The following ETFBKMT variants were observed in gnomAD, a reference collection of about 807,000 sequenced individuals.
ETFBKMT encodes the protein electron transfer flavoprotein beta subunit lysine methyltransferase.
In ETFBKMT, 13 loss-of-function variants were observed where a neutral mutation model predicts 18.3. The ratio of observed to expected loss-of-function variants is 0.71; its 90% CI spans 0.46 to 1.13. The LOEUF (loss-of-function observed/expected upper bound fraction) is 1.13. ETFBKMT is among the 50% of genes most tolerant of loss of function. The pLI, the probability that ETFBKMT is intolerant of heterozygous loss-of-function variation, is 0.00. For missense variants in ETFBKMT, 293 were observed against 306.2 expected, an observed-to-expected ratio of 0.96 and a Z score of 0.32; for synonymous variants, 84 against 107.9, an observed-to-expected ratio of 0.78 and a Z score of 1.37.
In ETFBKMT at chr12:31,670,848, T is replaced by C. The variant is rs188192986; in HGVS notation, c.*2858T>C. ...AAAAAAGATAAATACTTTGTCCTTA[T>C]GAAATTTGTATTCTAGAGTAGGGAG... On this transcript the variant is annotated 3_prime_UTR_variant, in exon 4 of 4. Coordinates refer to ENST00000357721, the MANE Select transcript of ETFBKMT (RefSeq NM_001135863.2). 1.3e-5 allele frequency: 2 copies of C among 152,296 alleles called. No individual in the cohort carries two copies. Among genetic ancestry groups the C allele is most frequent in the Admixed American group, 1.3e-4 (2 of 15,302 alleles). 9.4% of individuals were successfully genotyped at this position (152,296 alleles called of 1,614,324 possible).
upstream of ETFBKMT, among the ~76,000 whole-genome samples, chr12:31,657,022 T>C (rs745385209): frequency 1.3e-5 from 2 of 152,240 alleles, no homozygotes; most frequent in Non-Finnish European, 2.9e-5. Context: ...ATTATTACTA[T>C]CATCACTATT....
At chr12:31,647,437 T>C (rs1950978011) in intron 1 of ETFBKMT, among the ~76,000 whole-genome samples, 1 of 152,216 alleles carries the variant, frequency 6.6e-6, no homozygotes, top group South Asian at 2.1e-4. Context: ...GCCAGCTATT[T>C]ATGAGCCCTC....
intron 3 of ETFBKMT, 57 bp downstream of exon 3, chr12:31,666,274 A>G (rs1011620795): frequency 6.5e-7 from 1 of 1,544,302 alleles, no homozygotes; most frequent in Non-Finnish European, 8.8e-7. Flanking sequence ...CTCTGGGATA[A>G]ATATGTACAC....
intron 3 of ETFBKMT, 53 bp downstream of exon 3, chr12:31,666,270 G>A (rs1951195350): frequency 6.4e-7 from 1 of 1,555,248 alleles, no homozygotes; most frequent in Non-Finnish European, 8.7e-7. Context: ...TTTTCTCTGG[G>A]ATAAATATGT....
Position 31,667,995 on chromosome 12 carries a change from T to A in ETFBKMT, c.*5T>A. The A allele has an allele frequency of 6.2e-7, 1 of 1,606,084 alleles. No homozygotes were observed. The highest frequency in any genetic ancestry group is 1.1e-5 in the South Asian group (1 of 90,494). The stretch of plus-strand genomic sequence containing the variant: ...GTGTGGGGTTTTCAGCCTTGAGTTG[T>A]CAAAGTGCTTCCAAGTATGAATATA... On this transcript the variant is annotated 3_prime_UTR_variant, in exon 4 of 4. Coordinates refer to ENST00000357721, the MANE Select transcript of ETFBKMT (RefSeq NM_001135863.2).
Position 31,662,286 on chromosome 12 carries a change from C to G in ETFBKMT, c.314+19C>G. On this transcript the variant is annotated intron_variant, in intron 2 of 3. Coordinates refer to ENST00000357721, the MANE Select transcript of ETFBKMT (RefSeq NM_001135863.2). The stretch of plus-strand genomic sequence containing the variant: ...TGTCTAGGTACTACCCTAATGAAAC[C>G]TTTAAGGCGCTACAGATCTTTGCTG... 6.2e-7 allele frequency: 1 copy of G among 1,607,494 alleles called. No homozygotes were observed. Among genetic ancestry groups the G allele is most frequent in the Non-Finnish European group, 8.5e-7 (1 of 1,175,492 alleles).
At chr12:31,661,716 C>A in intron 1 of ETFBKMT, 125 bp from the exon 2 acceptor site, 1 of 431,426 alleles carries the variant, frequency 2.3e-6, no homozygotes, top group Non-Finnish European at 4.2e-6. Flanking sequence ...GCCTTGGCCT[C>A]CCAAAGTGCA....
intron 1 of ETFBKMT, among the ~76,000 whole-genome samples, chr12:31,653,905 G>T (rs757345890): frequency 6.6e-6 from 1 of 152,036 alleles, no homozygotes; most frequent in South Asian, 2.1e-4. Flanking sequence ...CTGAGATAGC[G>T]CTACTGCACT....
Position 31,666,124 on chromosome 12 carries a change from T to C in ETFBKMT, c.352T>C (p.Ser118Pro). ...LDNPDVVRGKSVLDLGSGCGA... is the reference protein window; with the variant it reads ...LDNPDVVRGKPVLDLGSGCGA... ...TAATCCTGATGTTGTCAGAGGAAAATCTGTATTAGATCTTGGGAGTGGATG... is the reference window on the plus strand; with the variant it reads ...TAATCCTGATGTTGTCAGAGGAAAACCTGTATTAGATCTTGGGAGTGGATG... The change falls in exon 3 of 4, where the codon TCT (serine) becomes CCT (proline). Residue 118 changes from serine (S) to proline (P), a missense_variant. Coordinates refer to ENST00000357721, the MANE Select transcript of ETFBKMT (RefSeq NM_001135863.2). 1 of 1,613,668 alleles carries C rather than the reference T, an allele frequency of 6.2e-7. No homozygotes were observed. Among genetic ancestry groups the C allele is most frequent in the Non-Finnish European group, 8.5e-7 (1 of 1,179,730 alleles).
chr12:31,652,229 A>G (rs893348158), intron 1 of ETFBKMT, among the ~76,000 whole-genome samples: 1 of 152,016 alleles, frequency 6.6e-6, no homozygotes, highest in East Asian at 1.9e-4. Context: ...CCATTTCTCT[A>G]TAGAGAAAGC....
In ETFBKMT at chr12:31,669,293, G is replaced by C. The variant is rs1303309675; in HGVS notation, c.*1303G>C. 2 of 152,122 alleles carry C rather than the reference G, an allele frequency of 1.3e-5. No homozygotes were observed. 9.4% of individuals were successfully genotyped at this position (152,122 alleles called of 1,614,324 possible). A position where few individuals can be genotyped will look rare whatever the true frequency, so the allele number is the denominator to read the frequency against. ...ACAGTAGCCTAACTGATGTGATAAG[G>C]TATGGGAGAAGGTATGTTCTATAGT... On this transcript the variant is annotated 3_prime_UTR_variant, in exon 4 of 4. Coordinates refer to ENST00000357721, the MANE Select transcript of ETFBKMT (RefSeq NM_001135863.2).
chr12:31,666,133 G>A lies in ETFBKMT; in HGVS notation c.361G>A (p.Asp121Asn). The A allele has an allele frequency of 6.2e-7, 1 of 1,613,962 alleles. No individual in the cohort carries two copies. The highest frequency in any genetic ancestry group is 8.5e-7 in the Non-Finnish European group (1 of 1,179,826). The change falls in exon 3 of 4, where the codon GAT (aspartate) becomes AAT (asparagine). Residue 121 changes from aspartate (D) to asparagine (N), a missense_variant. Coordinates refer to ENST00000357721, the MANE Select transcript of ETFBKMT (RefSeq NM_001135863.2). ...PDVVRGKSVL[D>N]LGSGCGATAI... Reference sequence around the variant, plus strand: ...TGTTGTCAGAGGAAAATCTGTATTAGATCTTGGGAGTGGATGTGGAGCTAC... The same window carrying A: ...TGTTGTCAGAGGAAAATCTGTATTAAATCTTGGGAGTGGATGTGGAGCTAC...
At chr12:31,662,798 T>G (rs1401163728) in intron 2 of ETFBKMT, among the ~76,000 whole-genome samples, 1 of 152,194 alleles carries the variant, frequency 6.6e-6, no homozygotes, top group Non-Finnish European at 1.5e-5. Flanking sequence ...AGGAGGTTCA[T>G]AGTTCATAGC....
rs770729610 is a variant in ETFBKMT, at chr12:31,672,398, A to G, written c.*4408A>G. ...ATGATCTATAAAAGAAAACAATGAC[A>G]ATATATTAATTGACAATAAAAAATG... On this transcript the variant is annotated 3_prime_UTR_variant, in exon 4 of 4. Coordinates refer to ENST00000357721, the MANE Select transcript of ETFBKMT (RefSeq NM_001135863.2). The G allele has an allele frequency of 6.7e-7, 1 of 1,498,904 alleles. No individual in the cohort carries two copies. The highest frequency in any genetic ancestry group is 1.2e-5 in the South Asian group (1 of 83,254). 92.9% of individuals were successfully genotyped at this position (1,498,904 alleles called of 1,614,324 possible). A position where few individuals can be genotyped will look rare whatever the true frequency, so the allele number is the denominator to read the frequency against.
chr12:31,659,417 T>G (rs1012894473), upstream of ETFBKMT: 1 of 152,300 alleles, frequency 6.6e-6, no homozygotes, highest in Non-Finnish European at 1.5e-5. Flanking sequence ...CCACCCCGCC[T>G]CTGGAGGAAA....
chr12:31,666,638 C>CTTTAT (rs914691783), intron 3 of ETFBKMT, among the ~76,000 whole-genome samples: 2 of 148,256 alleles, frequency 1.3e-5, no homozygotes, highest in South Asian at 2.2e-4. Context: ...CCTTGAAAAC[C>CTTTAT]TTTATTTTAT....
chr12:31,666,025 G>A (rs557007301), intron 2 of ETFBKMT, 62 bp from the exon 3 acceptor site: 22 of 1,474,692 alleles, frequency 1.5e-5, no homozygotes, highest in African/African-American at 1.4e-5. Flanking sequence ...ATTTTGGGGG[G>A]CCTGTTCCCA....
exon 1 of ETFBKMT, chr12:31,647,201 C>T (rs1337267109): frequency 6.6e-6 from 1 of 152,414 alleles, no homozygotes; most frequent in Non-Finnish European, 1.5e-5. Flanking sequence ...CAGTCCAGGC[C>T]CTCCACCAGC....
At chr12:31,652,159 T>G (rs889962635) in intron 1 of ETFBKMT, among the ~76,000 whole-genome samples, 4 of 152,230 alleles carry the variant, frequency 2.6e-5, no homozygotes, top group Non-Finnish European at 5.9e-5. Context: ...CACCGTCTCC[T>G]CAGACCTGAC....
Sources: allele counts gnomAD v4.1 joint callset (sites outside exome capture counted in the v4.1 genomes callset), GRCh38; gene constraint gnomAD v4.1.1; transcripts MANE v1.5; gene names NCBI Gene and HGNC (gene_info 2026-07-23, HGNC 2026-07-21).